GRK5: variants seen among roughly 807,000 people sequenced by gnomAD.
The protein encoded by GRK5 is G protein-coupled receptor kinase 5, also known as g protein-coupled receptor kinase GRK5.
In GRK5, 40 loss-of-function variants were observed where a neutral mutation model predicts 78.4. That is an observed-to-expected ratio of 0.51 (90% CI 0.40 to 0.66). The LOEUF (loss-of-function observed/expected upper bound fraction) is 0.66. GRK5 is among the 30% of genes least tolerant of loss of function. GRK5 has a pLI of 0.00. For missense variants in GRK5, 598 were observed against 759.9 expected, an observed-to-expected ratio of 0.79 and a Z score of 2.50; for synonymous variants, 289 against 296.8, an observed-to-expected ratio of 0.97 and a Z score of 0.27.
chr10:119,290,350 AAAAAAAAAAAAAAC>A (rs942739956), intron 1 of GRK5, among the ~76,000 whole-genome samples: 1 of 140,876 alleles, frequency 7.1e-6, no homozygotes, highest in African/African-American at 2.6e-5. Context: ...CCGTCTCAAA[AAAAAAAAAAAAAAC>A]AAAAAACAAC....
At chr10:119,344,155 TA>T (rs1324787382) in intron 2 of GRK5, among the ~76,000 whole-genome samples, 6 of 152,102 alleles carry the variant, frequency 3.9e-5, no homozygotes, top group East Asian at 3.9e-4. Flanking sequence ...TATTTTATTT[TA>T]TTTTTTTTCA....
chr10:119,302,131 A>T (rs1850193439), intron 1 of GRK5, among the ~76,000 whole-genome samples: 1 of 152,218 alleles, frequency 6.6e-6, no homozygotes, highest in African/African-American at 2.4e-5. Flanking sequence ...CTGGACACAG[A>T]AATCCACATT....
At position 119,348,154 on chromosome 10, in the gene GRK5, C is replaced by CT. The variant is rs768006014; in HGVS notation, c.148+21546dup. Among the ~76,000 whole-genome samples the CT allele has an allele frequency of 6.6e-5, 10 of 152,338 alleles. No individual in the cohort carries two copies. The South Asian group carries it at 1.2e-3, about 19-fold the overall frequency. On this transcript the variant is annotated intron_variant, in intron 2 of 15. Coordinates refer to ENST00000392870, the MANE Select transcript of GRK5 (RefSeq NM_005308.3). Reference sequence around the variant, plus strand: ...CTTAATGAGGAGTCCAGGGGCCTGGCTTTGAGTTTCTTTCTACTGCTGGCC... The same window carrying CT: ...CTTAATGAGGAGTCCAGGGGCCTGGCTTTTGAGTTTCTTTCTACTGCTGGCC...
intron 1 of GRK5, among the ~76,000 whole-genome samples, chr10:119,231,491 A>G (rs1307809949): frequency 6.6e-6 from 1 of 152,134 alleles, no homozygotes; most frequent in Non-Finnish European, 1.5e-5. Context: ...GGATCACTTG[A>G]GGTCAGGAGT....
intron 3 of GRK5, among the ~76,000 whole-genome samples, chr10:119,394,192 ATGGGGGTGT>A (rs1851945827): frequency 2.7e-4 from 5 of 18,752 alleles, no homozygotes; most frequent in East Asian, 2.1e-3. Flanking sequence ...GTGTCTGTGT[ATGGGGGTGT>A]GTATCTGTGT....
intron 12 of GRK5, among the ~76,000 whole-genome samples, chr10:119,444,186 G>T (rs998705443): frequency 6.6e-6 from 1 of 152,278 alleles, no homozygotes; most frequent in South Asian, 2.1e-4. Context: ...AGGGCTACAG[G>T]GGGTGGGGGC....
chr10:119,294,317 G>A lies in GRK5; in HGVS notation c.53-32199G>A, dbSNP rs567759351. Among the ~76,000 whole-genome samples the A allele has an allele frequency of 7.9e-5, 12 of 152,242 alleles. No homozygotes were observed. The South Asian group carries it at 1.9e-3, about 24-fold the overall frequency. The stretch of plus-strand genomic sequence containing the variant: ...GATCCAACCCAGCAGGTGCTCTTGC[G>A]GGTGAGGACCACATCTCGGTTGGTT... On this transcript the variant is annotated intron_variant, in intron 1 of 15. Coordinates refer to ENST00000392870, the MANE Select transcript of GRK5 (RefSeq NM_005308.3).
intron 1 of GRK5, among the ~76,000 whole-genome samples, chr10:119,221,929 T>C (rs1384075291): frequency 6.6e-6 from 1 of 152,158 alleles, no homozygotes; most frequent in Non-Finnish European, 1.5e-5. Flanking sequence ...TAAGGTTGAG[T>C]TCAGTCAAAG....
At chr10:119,434,317 A>T (rs1328475645) in intron 8 of GRK5, among the ~76,000 whole-genome samples, 1 of 152,190 alleles carries the variant, frequency 6.6e-6, no homozygotes, top group Non-Finnish European at 1.5e-5. Context: ...TTCAGCATTA[A>T]CTCAAAAGTC....
intron 2 of GRK5, among the ~76,000 whole-genome samples, chr10:119,351,781 A>G (rs1376986173): frequency 3.3e-5 from 5 of 152,212 alleles, no homozygotes; most frequent in Non-Finnish European, 5.9e-5. Context: ...AGTCCTTGGG[A>G]ACCCTGGATA....
rs1351802650 is a variant in GRK5 at position 119,430,158 on chromosome 10, G to A, written c.534-217G>A. 6.6e-6 allele frequency among the ~76,000 whole-genome samples: 1 copy of A among 152,152 alleles called. No homozygotes were observed. The highest frequency in any genetic ancestry group is 1.9e-4 in the East Asian group (1 of 5,186). Reference sequence around the variant, plus strand: ...TGCATCCCCCAGCTTGCAGGGGGCTGGGGGCTGGGGGCCAGGGGGCTTGGG... The same window carrying A: ...TGCATCCCCCAGCTTGCAGGGGGCTAGGGGCTGGGGGCCAGGGGGCTTGGG... On this transcript the variant is annotated intron_variant, in intron 6 of 15. Transcript: ENST00000392870. This position sits in a 1 kb window ranked among gnomAD's most constrained non-coding sequence, Gnocchi z 4.5.
intron 4 of GRK5, among the ~76,000 whole-genome samples, chr10:119,400,396 T>TG (rs1330992031): frequency 1.3e-5 from 2 of 152,094 alleles, no homozygotes; most frequent in South Asian, 4.1e-4. Flanking sequence ...AGTGGGCATT[T>TG]GGGGCTATCT....
At chr10:119,381,792 T>A (rs1000029039) in intron 3 of GRK5, among the ~76,000 whole-genome samples, 11 of 152,088 alleles carry the variant, frequency 7.2e-5, no homozygotes, top group African/African-American at 2.4e-4. Flanking sequence ...GGCTGCTGTT[T>A]CCTGAAGGGC....
At chr10:119,297,640 T>G (rs946958762) in intron 1 of GRK5, among the ~76,000 whole-genome samples, 1 of 152,168 alleles carries the variant, frequency 6.6e-6, no homozygotes, top group Non-Finnish European at 1.5e-5. Context: ...CAAGAATAGG[T>G]TGTTATAACA....
At chr10:119,414,521 A>C (rs1385062225) in intron 4 of GRK5, among the ~76,000 whole-genome samples, 1 of 152,182 alleles carries the variant, frequency 6.6e-6, no homozygotes, top group Admixed American at 6.5e-5. Flanking sequence ...ATCCTCCTGC[A>C]CACTGTCTAG....
At chr10:119,365,162 G>A (rs1851425558) in intron 2 of GRK5, among the ~76,000 whole-genome samples, 1 of 152,184 alleles carries the variant, frequency 6.6e-6, no homozygotes, top group South Asian at 2.1e-4. Flanking sequence ...AAGAAAGAAG[G>A]AGAGAAACGC....
At position 119,452,664 on chromosome 10, in the gene GRK5, CT is replaced by C. The variant is rs1375051957; in HGVS notation, c.1405-6del. ...CATATGTGTGACCGGCCCTCTGCCC[CT>C]GGCAGCCCCGCGCTGTGTACTGTAA... On this transcript the variant is annotated splice_region_variant and splice_polypyrimidine_tract_variant and intron_variant, in intron 13 of 15. Coordinates refer to ENST00000392870, the MANE Select transcript of GRK5 (RefSeq NM_005308.3). The surrounding 1 kb of genome is among the most constrained non-coding windows in gnomAD (Gnocchi z 4.4). 1.2e-6 allele frequency: 2 copies of C among 1,613,944 alleles called. No homozygotes were observed. Among genetic ancestry groups the C allele is most frequent in the South Asian group, 2.2e-5 (2 of 91,080 alleles).
intron 2 of GRK5, among the ~76,000 whole-genome samples, chr10:119,348,002 T>C (rs1851127017): frequency 6.6e-6 from 1 of 152,232 alleles, no homozygotes; most frequent in African/African-American, 2.4e-5. Flanking sequence ...ATAAGTGGGC[T>C]TCTCTCATCC....
chr10:119,413,906 A>G (rs1037820221), intron 4 of GRK5, among the ~76,000 whole-genome samples: 1 of 152,060 alleles, frequency 6.6e-6, no homozygotes, highest in Non-Finnish European at 1.5e-5. Context: ...GCCCCCGCCC[A>G]GGCCAGGCTT....
Sources: allele counts gnomAD v4.1 joint callset (sites outside exome capture counted in the v4.1 genomes callset), GRCh38; gene constraint gnomAD v4.1.1; non-coding constraint Gnocchi (gnomAD v3.1); transcripts MANE v1.5; gene names NCBI Gene and HGNC (gene_info 2026-07-23, HGNC 2026-07-21).